Variants in TRMT44 observed in about 807,000 individuals in gnomAD.
The protein encoded by TRMT44 is probable tRNA (uracil-O(2)-)-methyltransferase.
Under a neutral mutation model 77.3 loss-of-function variants are expected in TRMT44, and 78 were observed. The ratio of observed to expected loss-of-function variants is 1.01; its 90% CI spans 0.84 to 1.22. The LOEUF is 1.22. TRMT44 is among the 50% of genes most tolerant of loss of function. The probability of loss-of-function intolerance (pLI) is 0.00; values close to 1 mark genes in which losing one functional copy is unlikely to be tolerated. For missense variants in TRMT44, 1,090 were observed against 964.4 expected (o/e 1.13, Z -1.73); for synonymous variants, 391 against 383.3 (o/e 1.02, Z -0.23).
chr4:8,473,962 G>A (rs1560242173), intron 10 of TRMT44, among the ~76,000 whole-genome samples: 2 of 152,182 alleles, frequency 1.3e-5, no homozygotes, highest in Admixed American at 6.5e-5. Context: ...ATCAGCGCCC[G>A]CTCCTCAGTC....
chr4:8,496,788 C>T (rs7691183), downstream of TRMT44, among the ~76,000 whole-genome samples: 8 of 147,214 alleles, frequency 5.4e-5, no homozygotes, highest in African/African-American at 7.6e-5. Context: ...TTTTTTTTTT[C>T]TTTTTCTTTT....
intron 10 of TRMT44, 32 bp downstream of exon 10, chr4:8,471,232 T>A: frequency 7.3e-6 from 10 of 1,361,754 alleles, no homozygotes; most frequent in Non-Finnish European, 1.0e-5. Flanking sequence ...CGCCGTTCTT[T>A]CCTTCTTTTT....
Position 8,444,970 on chromosome 4 carries a change from G to T in TRMT44, c.620-1506G>T, listed in dbSNP as rs780053934. 9.2e-5 allele frequency among the ~76,000 whole-genome samples: 14 copies of T among 152,204 alleles called. No individual in the cohort carries two copies. The highest frequency in any genetic ancestry group is 1.8e-4 in the Non-Finnish European group (12 of 68,040). On this transcript the variant is annotated intron_variant, in intron 1 of 10. Coordinates refer to ENST00000389737, the MANE Select transcript of TRMT44 (RefSeq NM_152544.3). This position sits in a 1 kb window ranked among gnomAD's most constrained non-coding sequence, Gnocchi z 4.0. The stretch of plus-strand genomic sequence containing the variant: ...GGGGTTGCCACACTGGGCAGGGAGG[G>T]AGAGGATGCTGCTGGCATCTAGTGG...
In TRMT44 at chr4:8,475,760, T is replaced by C; in HGVS notation, c.2045-12T>C. The C allele has an allele frequency of 6.2e-7, 1 of 1,613,664 alleles. No homozygotes were observed. Among genetic ancestry groups the C allele is most frequent in the East Asian group, 2.2e-5 (1 of 44,884 alleles). On this transcript the variant is annotated splice_polypyrimidine_tract_variant and intron_variant, in intron 10 of 10. Transcript: ENST00000389737. ...TTACTTCTCAGTGTGTCTTCTCTGT[T>C]CCAAACCACAGTTGTGAATGGGAGA...
chr4:8,491,859 A>G (rs1020543012), intron 2 of TRMT44, among the ~76,000 whole-genome samples: 1 of 152,254 alleles, frequency 6.6e-6, no homozygotes, highest in African/African-American at 2.4e-5. Context: ...GGGCTCCCAC[A>G]GTGCAGCGGT....
At chr4:8,507,676 T>C in the TRMT44 span, among the ~76,000 whole-genome samples, 1 of 152,360 alleles carries the variant, frequency 6.6e-6, no homozygotes, top group African/African-American at 2.4e-5. Context: ...CTTGCTGGGA[T>C]CCTGGGTCCT....
Position 8,465,531 on chromosome 4 carries a change from A to C in TRMT44, c.1464A>C (p.Glu488Asp), listed in dbSNP as rs1299174951. 2 of 1,613,646 alleles carry C rather than the reference A, an allele frequency of 1.2e-6. No individual in the cohort carries two copies. The highest frequency in any genetic ancestry group is 1.7e-6 in the Non-Finnish European group (2 of 1,179,822). Residue 488 changes from glutamate to aspartate, a missense_variant, in exon 8 of 11, where the codon GAA (glutamate) becomes GAC (aspartate). Transcript: ENST00000389737. ...VGFTCGFHVD[E>D]DCLRIPSTKR... Reference sequence around the variant, plus strand: ...TCACCTGTGGGTTTCACGTGGACGAAGACTGCCTCAGGATTCCTTCAACCA... The same window carrying C: ...TCACCTGTGGGTTTCACGTGGACGACGACTGCCTCAGGATTCCTTCAACCA...
chr4:8,454,940 T>C (rs1179163246), intron 6 of TRMT44, 127 bp downstream of exon 6: 1 of 843,276 alleles, frequency 1.2e-6, no homozygotes, highest in Non-Finnish European at 1.9e-6. Context: ...CACATTAATC[T>C]AAGTGCTCTG....
chr4:8,485,187 T>C (rs967926199), intron 2 of TRMT44, among the ~76,000 whole-genome samples: 2 of 152,144 alleles, frequency 1.3e-5, no homozygotes, highest in Non-Finnish European at 2.9e-5. Context: ...CTGATGGGTG[T>C]CAGGGTCAAT....
chr4:8,503,956 G>T, the TRMT44 span, among the ~76,000 whole-genome samples: 28 of 152,100 alleles, frequency 1.8e-4, no homozygotes, highest in Admixed American at 6.5e-5. Context: ...TCCTGGCCTC[G>T]CTCCCAAGCT....
chr4:8,449,212 CAAAAT>C (rs1466251451), intron 2 of TRMT44, among the ~76,000 whole-genome samples: 1 of 152,206 alleles, frequency 6.6e-6, no homozygotes, highest in African/African-American at 2.4e-5. Context: ...ATGTGAAAGA[CAAAAT>C]AAGCCGGCAA....
rs1308288429 is a variant in TRMT44, at chr4:8,449,834, G to A, written c.900G>A (p.Met300Ile). ...FKSTLSLISI[M>I]KYSKAYQELK... ...GCACCCTTTCCCTCATCTCCATTAT[G>A]AAGTATAGCAAGGCTTACCAGGAAC... Residue 300 changes from methionine (M) to isoleucine (I), a missense_variant, in exon 3 of 11, where the codon ATG becomes ATA. Met to Ile is a conservative substitution (Grantham distance 10, BLOSUM62 1). Coordinates refer to ENST00000389737, the MANE Select transcript of TRMT44 (RefSeq NM_152544.3). 2 of 1,534,800 alleles carry A rather than the reference G, an allele frequency of 1.3e-6. No homozygotes were observed. The highest frequency in any genetic ancestry group is 2.7e-5 in the African/African-American group (2 of 72,840).
downstream of TRMT44, among the ~76,000 whole-genome samples, chr4:8,497,652 A>T (rs916036342): frequency 6.6e-6 from 1 of 151,948 alleles, no homozygotes; most frequent in Non-Finnish European, 1.5e-5. Context: ...CTCAAAAACA[A>T]ACAAACAAAC....
intron 2 of TRMT44, among the ~76,000 whole-genome samples, chr4:8,486,670 G>T (rs749610119): frequency 6.6e-6 from 1 of 152,128 alleles, no homozygotes; most frequent in Non-Finnish European, 1.5e-5. Flanking sequence ...ATGAAAAAGA[G>T]CCTAAACGCT....
chr4:8,515,349 A>C, the TRMT44 span, among the ~76,000 whole-genome samples: 1 of 152,204 alleles, frequency 6.6e-6, no homozygotes, highest in African/African-American at 2.4e-5. Flanking sequence ...CGGGCTGACC[A>C]CTGGGAACTC....
chr4:8,506,573 G>A, the TRMT44 span, among the ~76,000 whole-genome samples: 2 of 152,218 alleles, frequency 1.3e-5, no homozygotes, highest in African/African-American at 4.8e-5. Context: ...GTGTGACCTG[G>A]GCAGCCCCTT....
At chr4:8,464,244 A>G (rs1408997418) in intron 7 of TRMT44, among the ~76,000 whole-genome samples, 153 bp downstream of exon 7, 1 of 152,222 alleles carries the variant, frequency 6.6e-6, no homozygotes, top group Non-Finnish European at 1.5e-5. Context: ...TATTGCCTGT[A>G]TTGGGTTAAA....
the TRMT44 span, among the ~76,000 whole-genome samples, chr4:8,515,410 G>A: frequency 1.3e-5 from 2 of 152,338 alleles, no homozygotes; most frequent in Admixed American, 6.5e-5. Context: ...TTGCCCCTGC[G>A]GCAGGCCCAT....
Position 8,441,042 on chromosome 4 carries a change from C to T in TRMT44, c.220C>T (p.Pro74Ser). The change falls in exon 1 of 11, where the codon CCC (proline) becomes TCC (serine). Residue 74 changes from proline (P) to serine (S), a missense_variant. Coordinates refer to ENST00000389737, the MANE Select transcript of TRMT44 (RefSeq NM_152544.3). Reference sequence around the variant, plus strand: ...GGAGCAGAAGGAGCGGGGTCCGGGACCCGGCCAGGGTTCCCCCGGAGGGGG... The same window carrying T: ...GGAGCAGAAGGAGCGGGGTCCGGGATCCGGCCAGGGTTCCCCCGGAGGGGG... ...GSEQKERGPG[P>S]GQGSPGGGPG... is the part of the protein sequence containing the mutation. 1 of 1,491,356 alleles carries T rather than the reference C, an allele frequency of 6.7e-7. No individual in the cohort carries two copies. Among genetic ancestry groups the T allele is most frequent in the Non-Finnish European group, 8.9e-7 (1 of 1,127,376 alleles). 92.4% of individuals were successfully genotyped at this position (1,491,356 alleles called of 1,614,324 possible). A position where few individuals can be genotyped will look rare whatever the true frequency, so the allele number is the denominator to read the frequency against.
Sources: allele counts gnomAD v4.1 joint callset (sites outside exome capture counted in the v4.1 genomes callset), GRCh38; gene constraint gnomAD v4.1.1; non-coding constraint Gnocchi (gnomAD v3.1); transcripts MANE v1.5; gene names NCBI Gene and HGNC (gene_info 2026-07-23, HGNC 2026-07-21).